The following FGF14 variants were observed in gnomAD, a reference collection of about 807,000 sequenced individuals.
FGF14 encodes fibroblast growth factor homologous factor 4.
In FGF14, 5 loss-of-function variants were observed where a neutral mutation model predicts 25.5. The ratio of observed to expected loss-of-function variants is 0.20; its 90% confidence interval spans 0.10 to 0.41. FGF14 has a LOEUF of 0.41. Among genes scored for constraint, FGF14 ranks in the 10% least tolerant of loss-of-function variants. The probability of loss-of-function intolerance (pLI) is 1.00; values close to 1 mark genes in which losing one functional copy is unlikely to be tolerated. For synonymous variants in FGF14, 138 were observed against 118.3 expected, an observed-to-expected ratio of 1.17 and a Z score of -1.08; for missense variants, 222 against 320.1, an observed-to-expected ratio of 0.69 and a Z score of 2.34.
chr13:102,158,251 C>A (rs2047442773), intron 1 of FGF14, among the ~76,000 whole-genome samples: 1 of 152,104 alleles, frequency 6.6e-6, no homozygotes, highest in African/African-American at 2.4e-5. Flanking sequence ...TTCACAATAG[C>A]AAAGACTTGG....
intron 3 of FGF14, among the ~76,000 whole-genome samples, chr13:101,843,896 C>G (rs1364063696): frequency 6.6e-6 from 1 of 151,918 alleles, no homozygotes; most frequent in Non-Finnish European, 1.5e-5. Flanking sequence ...ACAAATAGAA[C>G]AAATACTGTT....
intron 1 of FGF14, among the ~76,000 whole-genome samples, chr13:102,277,641 G>T (rs568868515): frequency 1.3e-5 from 2 of 152,344 alleles, no homozygotes; most frequent in African/African-American, 4.8e-5. Flanking sequence ...GAGGATCCCA[G>T]GAGAGGGAAG....
intron 1 of FGF14, among the ~76,000 whole-genome samples, chr13:102,159,133 C>A (rs2047503236): frequency 8.5e-6 from 1 of 117,944 alleles, no homozygotes. Flanking sequence ...GAGCCAGACT[C>A]TGTCTCAAAA....
At chr13:102,054,010 C>A (rs1000214853) in intron 1 of FGF14, among the ~76,000 whole-genome samples, 6 of 152,038 alleles carry the variant, frequency 3.9e-5, no homozygotes, top group African/African-American at 1.4e-4. Context: ...ATATTGCAAG[C>A]AGGTAAGCAA....
Position 101,715,705 on chromosome 13 carries a change from A to G in FGF14, c.*7126T>C. On this transcript the variant is annotated 3_prime_UTR_variant, in exon 5 of 5. Coordinates refer to ENST00000376143, the MANE Select transcript of FGF14 (RefSeq NM_004115.4). ...CTTATTTTTTCTGGGCCATTAGAAC[A>G]GATAAATGCGAAGGAAACCATGTAT... 1 of 1,237,394 alleles carries G rather than the reference A, an allele frequency of 8.1e-7. No homozygotes were observed. The allele number at this position is 1,237,394 out of a possible 1,614,324, so 76.7% of individuals were successfully genotyped here.
At position 102,339,969 on chromosome 13, in the gene FGF14, C is replaced by A. The variant is rs368476671; in HGVS notation, c.208+61502G>T. On this transcript the variant is annotated intron_variant, in intron 1 of 4. Coordinates refer to the FGF14 transcript ENST00000376131. The stretch of plus-strand genomic sequence containing the variant: ...TAGCTTGCTAGGAGGCAACTGGAGG[C>A]AAAATTGAGGTTAACGACACACGGA... 7.2e-5 allele frequency among the ~76,000 whole-genome samples: 11 copies of A among 152,212 alleles called. No homozygotes were observed. The East Asian group carries it at 1.7e-3, about 24-fold the overall frequency.
At chr13:102,263,876 T>C (rs2141128762) in intron 1 of FGF14, among the ~76,000 whole-genome samples, 1 of 152,264 alleles carries the variant, frequency 6.6e-6, no homozygotes, top group East Asian at 1.9e-4. Context: ...GGGAAAAAAG[T>C]TGAGTGTCAT....
intron 1 of FGF14, among the ~76,000 whole-genome samples, chr13:101,966,470 TG>T (rs1046420660): frequency 6.6e-6 from 1 of 151,434 alleles, no homozygotes; most frequent in Non-Finnish European, 1.5e-5. Context: ...ATAAATCTTG[TG>T]GTTTTTTTTG....
chr13:101,920,958 T>C (rs543477141), upstream of FGF14, among the ~76,000 whole-genome samples: 51 of 152,312 alleles, frequency 3.3e-4, no homozygotes, highest in African/African-American at 1.2e-3. Context: ...TACACTGTGC[T>C]TGATGGTCTC....
chr13:101,929,727 T>C (rs924024645), intron 1 of FGF14, among the ~76,000 whole-genome samples: 19 of 152,250 alleles, frequency 1.2e-4, no homozygotes, highest in Admixed American at 1.3e-4. Flanking sequence ...TTATATATCA[T>C]TAAATATATA....
intron 1 of FGF14, among the ~76,000 whole-genome samples, chr13:102,136,335 G>A (rs925281973): frequency 1.3e-5 from 2 of 152,088 alleles, no homozygotes; most frequent in African/African-American, 4.8e-5. Context: ...GTGTTTTAGA[G>A]ATGAGGAAAC....
intron 1 of FGF14, among the ~76,000 whole-genome samples, chr13:102,171,972 G>GTATTTATTTATT (rs58098373): frequency 1.6e-4 from 24 of 146,222 alleles, no homozygotes; most frequent in East Asian, 8.0e-4. Flanking sequence ...CACTTACCAT[G>GTATTTATTTATT]TATTTATTTA....
chr13:101,815,214 C>T (rs545023549), intron 3 of FGF14, among the ~76,000 whole-genome samples: 1 of 152,230 alleles, frequency 6.6e-6, no homozygotes, highest in East Asian at 1.9e-4. Context: ...TGGTAAATTA[C>T]CATAACTGGA....
Position 101,738,845 on chromosome 13 carries a change from G to GTA in FGF14, c.409-12037_409-12036dup, listed in dbSNP as rs141289784. ...GGAAGAATCATAATATTTGTAATTG[G>GTA]TATATATATATATACCCACACACAC... On this transcript the variant is annotated intron_variant, in intron 3 of 4. Coordinates refer to ENST00000376143, the MANE Select transcript of FGF14 (RefSeq NM_004115.4). 3.4e-3 allele frequency among the ~76,000 whole-genome samples: 500 copies of GTA among 148,424 alleles called. 3 individuals are homozygous for GTA. The highest frequency in any genetic ancestry group is 0.011 in the African/African-American group (443 of 40,452).
chr13:102,063,196 A>T (rs1329313850), intron 1 of FGF14, among the ~76,000 whole-genome samples: 2 of 152,234 alleles, frequency 1.3e-5, no homozygotes, highest in Non-Finnish European at 2.9e-5. Context: ...AAAATTTAGA[A>T]AATGGTACTA....
chr13:102,382,235 C>A (rs947469182), intron 1 of FGF14, among the ~76,000 whole-genome samples: 2 of 152,020 alleles, frequency 1.3e-5, no homozygotes, highest in Non-Finnish European at 1.5e-5. Flanking sequence ...AAATCATATA[C>A]CTGATAAGAA....
intron 3 of FGF14, among the ~76,000 whole-genome samples, chr13:101,859,030 C>T (rs2044272601): frequency 1.3e-5 from 2 of 152,110 alleles, no homozygotes; most frequent in Non-Finnish European, 2.9e-5. Context: ...CATGCTCTTT[C>T]AGCAAAGCAG....
At chr13:102,274,981 C>T (rs940886995) in intron 1 of FGF14, among the ~76,000 whole-genome samples, 4 of 151,624 alleles carry the variant, frequency 2.6e-5, no homozygotes, top group African/African-American at 7.3e-5. Flanking sequence ...CAGCATTCAA[C>T]TCATAAGTAT....
At chr13:101,885,605 T>C (rs991193276) in intron 1 of FGF14, among the ~76,000 whole-genome samples, 3 of 152,086 alleles carry the variant, frequency 2.0e-5, no homozygotes, top group Non-Finnish European at 4.4e-5. Flanking sequence ...CTAGGGGTTC[T>C]ATATTTTTAC....
Sources: allele counts gnomAD v4.1 joint callset (sites outside exome capture counted in the v4.1 genomes callset), GRCh38; gene constraint gnomAD v4.1.1; transcripts MANE v1.5; gene names NCBI Gene and HGNC (gene_info 2026-07-23, HGNC 2026-07-21).